ZSWIM6: variants seen among roughly 807,000 people sequenced by gnomAD.
ZSWIM6 encodes zinc finger SWIM-type containing 6.
In ZSWIM6, 9 loss-of-function variants were observed where a neutral mutation model predicts 113.2. The ratio of observed to expected loss-of-function variants is 0.08; its 90% CI spans 0.05 to 0.14. The LOEUF (loss-of-function observed/expected upper bound fraction) is 0.14, where lower values mean the gene tolerates loss of function less well. ZSWIM6 is among the 10% of genes least tolerant of loss of function. ZSWIM6 has a pLI of 1.00. For missense variants in ZSWIM6, 1,162 were observed against 1,552.2 expected, an observed-to-expected ratio of 0.75 and a Z score of 4.22; for synonymous variants, 611 against 606.5, an observed-to-expected ratio of 1.01 and a Z score of -0.11.
At chr5:61,423,210 C>A (rs1166784653) in intron 1 of ZSWIM6, among the ~76,000 whole-genome samples, 1 of 151,992 alleles carries the variant, frequency 6.6e-6, no homozygotes, top group African/African-American at 2.4e-5. Context: ...AGTTTGAGAC[C>A]AGCCTGGCCA....
chr5:61,352,373 A>C (rs1320936022), intron 1 of ZSWIM6, among the ~76,000 whole-genome samples: 1 of 152,246 alleles, frequency 6.6e-6, no homozygotes, highest in Non-Finnish European at 1.5e-5. Context: ...ATCTGTTTGT[A>C]TCCATGGCTA....
At chr5:61,482,027 A>G (rs1348481458) in intron 2 of ZSWIM6, among the ~76,000 whole-genome samples, 2 of 152,336 alleles carry the variant, frequency 1.3e-5, no homozygotes, top group Non-Finnish European at 2.9e-5. Flanking sequence ...TTCCTGCCCA[A>G]CGGTGGGAAT....
chr5:61,363,410 A>G (rs1036837098), intron 1 of ZSWIM6, among the ~76,000 whole-genome samples: 3 of 152,236 alleles, frequency 2.0e-5, no homozygotes, highest in African/African-American at 4.8e-5. Context: ...AGAACTGCCT[A>G]TAAGATTTTA....
chr5:61,507,947 G>A (rs748086367), intron 4 of ZSWIM6, among the ~76,000 whole-genome samples: 3 of 152,082 alleles, frequency 2.0e-5, no homozygotes, highest in Non-Finnish European at 2.9e-5. Context: ...TTCTGACCAC[G>A]TAGCTAGATC....
At chr5:61,485,586 C>T (rs188939731) in intron 2 of ZSWIM6, among the ~76,000 whole-genome samples, 1 of 152,254 alleles carries the variant, frequency 6.6e-6, no homozygotes, top group Non-Finnish European at 1.5e-5. Context: ...ATGTCTCTCT[C>T]CATCCGTTCA....
chr5:61,520,193 A>G (rs1220679148), intron 4 of ZSWIM6, among the ~76,000 whole-genome samples: 1 of 152,062 alleles, frequency 6.6e-6, no homozygotes, highest in African/African-American at 2.4e-5. Context: ...AATAAAACAT[A>G]AACAGTTTTC....
chr5:61,485,042 C>A (rs991775906), intron 2 of ZSWIM6, among the ~76,000 whole-genome samples: 1 of 152,068 alleles, frequency 6.6e-6, no homozygotes, highest in African/African-American at 2.4e-5. Flanking sequence ...AGTAAGAATT[C>A]TTTTTCCAGG....
intron 1 of ZSWIM6, among the ~76,000 whole-genome samples, chr5:61,457,285 T>G (rs1260253878): frequency 1.3e-5 from 2 of 152,208 alleles, no homozygotes; most frequent in Non-Finnish European, 1.5e-5. Flanking sequence ...AAACGTTTGA[T>G]GAGCTGATGT....
chr5:61,459,742 G>A (rs947544659), intron 1 of ZSWIM6, among the ~76,000 whole-genome samples: 3 of 152,124 alleles, frequency 2.0e-5, no homozygotes, highest in African/African-American at 7.2e-5. Flanking sequence ...ACTTCTAAGT[G>A]CCACCAGATC....
intron 1 of ZSWIM6, chr5:61,375,672 T>G: frequency 7.1e-6 from 11 of 1,546,752 alleles, no homozygotes; most frequent in Non-Finnish European, 9.6e-6. Context: ...ATTCTGAAGA[T>G]AAACCTTTAT....
At chr5:61,533,629 G>T (rs1749501046) in intron 9 of ZSWIM6, among the ~76,000 whole-genome samples, 1 of 152,146 alleles carries the variant, frequency 6.6e-6, no homozygotes, top group Non-Finnish European at 1.5e-5. Context: ...AATTGATTAT[G>T]TATCCTGGAT....
At chr5:61,521,504 A>G in intron 5 of ZSWIM6, 62 bp downstream of exon 5, 2 of 1,252,144 alleles carry the variant, frequency 1.6e-6, no homozygotes, top group African/African-American at 1.6e-5. Flanking sequence ...TGTGCTTATA[A>G]TAGTAACTTA....
intron 1 of ZSWIM6, among the ~76,000 whole-genome samples, chr5:61,440,886 A>G (rs928020101): frequency 1.3e-5 from 2 of 152,204 alleles, no homozygotes; most frequent in African/African-American, 4.8e-5. Flanking sequence ...CAGGCATATA[A>G]ACAATTCACT....
At chr5:61,400,460 G>C (rs991955933) in intron 1 of ZSWIM6, among the ~76,000 whole-genome samples, 3 of 152,206 alleles carry the variant, frequency 2.0e-5, no homozygotes, top group African/African-American at 7.2e-5. Context: ...GGCATGCTAA[G>C]AAGGTTTAAA....
intron 1 of ZSWIM6, among the ~76,000 whole-genome samples, chr5:61,366,533 T>G (rs1745156768): frequency 6.6e-6 from 1 of 152,246 alleles, no homozygotes; most frequent in Non-Finnish European, 1.5e-5. Flanking sequence ...CAGAATCTTC[T>G]CTTAGAATTT....
At chr5:61,519,380 G>A (rs1012257418) in intron 4 of ZSWIM6, among the ~76,000 whole-genome samples, 4 of 152,018 alleles carry the variant, frequency 2.6e-5, no homozygotes, top group African/African-American at 4.8e-5. Flanking sequence ...TGCATGTGTC[G>A]TTTATAAAGT....
intron 1 of ZSWIM6, among the ~76,000 whole-genome samples, chr5:61,343,460 T>C (rs1744589797): frequency 6.6e-6 from 1 of 152,256 alleles, no homozygotes. Flanking sequence ...TTTTAAATTC[T>C]CTTACGTAAT....
At chr5:61,374,165 A>G (rs1291132283) in intron 1 of ZSWIM6, among the ~76,000 whole-genome samples, 1 of 152,222 alleles carries the variant, frequency 6.6e-6, no homozygotes, top group Non-Finnish European at 1.5e-5. Context: ...CAGTCCATAA[A>G]ATAAACCATT....
rs559970267 is a variant in ZSWIM6, at chr5:61,535,930, GATTA to G, written c.2381+315_2381+318del. 5.6e-3 allele frequency among the ~76,000 whole-genome samples: 849 copies of G among 152,298 alleles called. 1 individual carries two copies. Among genetic ancestry groups the G allele is most frequent in the Non-Finnish European group, 9.1e-3 (622 of 68,024 alleles). On this transcript the variant is annotated intron_variant, in intron 10 of 13. Transcript: ENST00000252744. ...AGCAACAGTTGAAACCTTCATAAATGATTAATTGTTTTGAAAAAATTGATTTTTG... is the reference window on the plus strand; with the variant it reads ...AGCAACAGTTGAAACCTTCATAAATGATTGTTTTGAAAAAATTGATTTTTG...
Sources: allele counts gnomAD v4.1 joint callset (sites outside exome capture counted in the v4.1 genomes callset), GRCh38; gene constraint gnomAD v4.1.1; transcripts MANE v1.5; gene names NCBI Gene and HGNC (gene_info 2026-07-23, HGNC 2026-07-21).